MAP3K5: variants seen among roughly 807,000 people sequenced by gnomAD.
The protein encoded by MAP3K5 is mitogen-activated protein kinase kinase kinase 5.
Under a neutral mutation model 158.7 loss-of-function variants are expected in MAP3K5, and 56 were observed. That is an observed-to-expected ratio of 0.35 (90% CI 0.28 to 0.44). MAP3K5 has a LOEUF of 0.44. MAP3K5 is among the 20% of genes least tolerant of loss of function. The probability of loss-of-function intolerance (pLI) is 1.00; values close to 1 mark genes in which losing one functional copy is unlikely to be tolerated. For missense variants in MAP3K5, 1,294 were observed against 1,674.8 expected (o/e 0.77, Z 3.97); for synonymous variants, 579 against 601.7 (o/e 0.96, Z 0.55).
Position 136,592,680 on chromosome 6 carries a change from C to T in MAP3K5, c.2879-66G>A, listed in dbSNP as rs1400373797. ...AAAAAATGTACACATACTGAAACACCCATTGAAAGAGGCCATATTCTTTGT... is the reference window on the plus strand; with the variant it reads ...AAAAAATGTACACATACTGAAACACTCATTGAAAGAGGCCATATTCTTTGT... On this transcript the variant is annotated intron_variant, in intron 21 of 29. Transcript: ENST00000359015. The T allele has an allele frequency of 1.1e-5, 15 of 1,315,370 alleles. No homozygotes were observed. The South Asian group carries it at 1.4e-4, about 13-fold the overall frequency. 81.5% of individuals were successfully genotyped at this position (1,315,370 alleles called of 1,614,324 possible). A position where few individuals can be genotyped will look rare whatever the true frequency, so the allele number is the denominator to read the frequency against.
chr6:136,616,576 G>C (rs1338037624), intron 15 of MAP3K5, among the ~76,000 whole-genome samples: 2 of 150,902 alleles, frequency 1.3e-5, no homozygotes, highest in African/African-American at 4.9e-5. Context: ...CAAAGGGCTG[G>C]GATTACAGCT....
At chr6:136,575,276 C>T (rs1202472194) in intron 25 of MAP3K5, among the ~76,000 whole-genome samples, 2 of 151,714 alleles carry the variant, frequency 1.3e-5, no homozygotes, top group Non-Finnish European at 2.9e-5. Context: ...ATCCTCTCAC[C>T]TCAGCCTCCC....
At chr6:136,666,577 G>A (rs566632403) in intron 8 of MAP3K5, among the ~76,000 whole-genome samples, 1 of 152,126 alleles carries the variant, frequency 6.6e-6, no homozygotes, top group South Asian at 2.1e-4. Flanking sequence ...CAAGTATATT[G>A]TCTCATTTTT....
Position 136,607,913 on chromosome 6 carries a change from T to C in MAP3K5, c.2522-2547A>G, listed in dbSNP as rs115248576. ...ATACAGCATGTTAGAAAGTGACATG[T>C]TATGACCAAAAAAATATAGACCCGA... On this transcript the variant is annotated intron_variant, in intron 18 of 29. Coordinates refer to ENST00000359015, the MANE Select transcript of MAP3K5 (RefSeq NM_005923.4). 5.2e-4 allele frequency among the ~76,000 whole-genome samples: 79 copies of C among 152,278 alleles called. 1 individual carries two copies. Among genetic ancestry groups the C allele is most frequent in the African/African-American group, 1.8e-3 (74 of 41,550 alleles).
In MAP3K5 at chr6:136,605,067, G is replaced by C. The variant is rs1776045680; in HGVS notation, c.2679+142C>G. On this transcript the variant is annotated intron_variant, in intron 19 of 29. Transcript: ENST00000359015. Reference sequence around the variant, plus strand: ...GCACCAGCGCTGGTTCTAACCGAGAGAGAATCTTCTTGACCTTTAATGTGT... The same window carrying C: ...GCACCAGCGCTGGTTCTAACCGAGACAGAATCTTCTTGACCTTTAATGTGT... 5 of 764,516 alleles carry C rather than the reference G, an allele frequency of 6.5e-6. No homozygotes were observed. In the South Asian group the frequency reaches 8.0e-5, roughly 12 times the overall value. The allele number at this position is 764,516 out of a possible 1,614,324, so 47.4% of individuals were successfully genotyped here.
intron 28 of MAP3K5, 71 bp downstream of exon 28, chr6:136,561,462 G>T: frequency 8.7e-7 from 1 of 1,148,704 alleles, no homozygotes; most frequent in South Asian, 1.3e-5. Context: ...CCCTGTGCCT[G>T]TCACATAGCA....
At chr6:136,773,536 T>C (rs1784292624) in intron 1 of MAP3K5, among the ~76,000 whole-genome samples, 1 of 152,174 alleles carries the variant, frequency 6.6e-6, no homozygotes, top group Non-Finnish European at 1.5e-5. Flanking sequence ...TAATCCCTTC[T>C]CTCTCTCCCT....
At chr6:136,649,946 C>T (rs1445078383) in intron 11 of MAP3K5, among the ~76,000 whole-genome samples, 1 of 152,210 alleles carries the variant, frequency 6.6e-6, no homozygotes, top group African/African-American at 2.4e-5. Context: ...TGACTCAAGT[C>T]TACATGTAAA....
intron 8 of MAP3K5, among the ~76,000 whole-genome samples, chr6:136,662,201 G>A (rs73777954): frequency 0.024 from 3,682 of 152,228 alleles, 153 homozygotes; most frequent in African/African-American, 0.084. Context: ...ATTGCCCTTA[G>A]AAAATGCTGT....
Position 136,567,697 on chromosome 6 carries a change from T to C in MAP3K5, c.3695A>G (p.His1232Arg). Residue 1232 changes from histidine (H) to arginine (R), a missense_variant, in exon 26 of 30, where the codon CAT (histidine) becomes CGT (arginine). His to Arg is a conservative substitution (Grantham distance 29). Coordinates refer to ENST00000359015, the MANE Select transcript of MAP3K5 (RefSeq NM_005923.4). The part of the protein sequence containing the change: ...GVSTLSSTVS[H>R]DSQSAHRSLN... Reference sequence around the variant, plus strand: ...TGACCGGTGAGCACTCTGGGAATCATGAGACACAGTAGAACTGAGCGTGCT... The same window carrying C: ...TGACCGGTGAGCACTCTGGGAATCACGAGACACAGTAGAACTGAGCGTGCT... 5 of 1,613,742 alleles carry C rather than the reference T, an allele frequency of 3.1e-6. No individual in the cohort carries two copies. Among genetic ancestry groups the C allele is most frequent in the Non-Finnish European group, 4.2e-6 (5 of 1,179,646 alleles).
At chr6:136,642,015 T>TAAA (rs61244217) in intron 12 of MAP3K5, among the ~76,000 whole-genome samples, 1 of 110,574 alleles carries the variant, frequency 9.0e-6, no homozygotes, top group African/African-American at 3.8e-5. Context: ...TAAAATAAAA[T>TAAA]AAATAAAATA....
At chr6:136,776,604 G>A (rs1365635711) in intron 1 of MAP3K5, among the ~76,000 whole-genome samples, 1 of 152,190 alleles carries the variant, frequency 6.6e-6, no homozygotes, top group Non-Finnish European at 1.5e-5. Context: ...AGCCACAGGT[G>A]AGGATGTTAT....
intron 1 of MAP3K5, among the ~76,000 whole-genome samples, chr6:136,752,871 C>A (rs1275775052): frequency 6.7e-6 from 1 of 148,820 alleles, no homozygotes; most frequent in Non-Finnish European, 1.5e-5. Context: ...GCTGCAAGTG[C>A]AAAGGTCAGC....
intron 3 of MAP3K5, among the ~76,000 whole-genome samples, chr6:136,704,600 A>C (rs1451327948): frequency 1.3e-5 from 2 of 152,064 alleles, no homozygotes; most frequent in Non-Finnish European, 2.9e-5. Context: ...GGCTGGAATG[A>C]AGTGGTATGA....
chr6:136,753,824 G>A (rs1323188421), intron 1 of MAP3K5, among the ~76,000 whole-genome samples: 1 of 152,198 alleles, frequency 6.6e-6, no homozygotes, highest in Non-Finnish European at 1.5e-5. Context: ...GAGGGTAGAT[G>A]GTGCTTCAGC....
chr6:136,659,164 G>A (rs1161885121), intron 9 of MAP3K5, 55 bp downstream of exon 9: 1 of 1,379,874 alleles, frequency 7.2e-7, no homozygotes, highest in Non-Finnish European at 1.0e-6. Context: ...ATATAATATG[G>A]GAACAATATG....
At chr6:136,736,726 T>A (rs993774214) in intron 1 of MAP3K5, among the ~76,000 whole-genome samples, 1 of 152,114 alleles carries the variant, frequency 6.6e-6, no homozygotes, top group Non-Finnish European at 1.5e-5. Flanking sequence ...AGTCTCACTC[T>A]GTCACTCAGG....
intron 8 of MAP3K5, among the ~76,000 whole-genome samples, chr6:136,662,156 C>A (rs1779032538): frequency 6.6e-6 from 1 of 152,184 alleles, no homozygotes; most frequent in Non-Finnish European, 1.5e-5. Context: ...GGACAGAAGA[C>A]ATGCCCATTT....
rs926811290 is a variant in MAP3K5 at position 136,756,333 on chromosome 6, G to A, written c.448+35377C>T. Reference sequence around the variant, plus strand: ...ACCTGTCTCAAAAAAACAAAATGCAGGTCACTTTCATTGAGCTGGGCATGG... The same window carrying A: ...ACCTGTCTCAAAAAAACAAAATGCAAGTCACTTTCATTGAGCTGGGCATGG... On this transcript the variant is annotated intron_variant, in intron 1 of 29. Transcript: ENST00000359015. Among the ~76,000 whole-genome samples the A allele has an allele frequency of 2.0e-5, 3 of 152,110 alleles. No homozygotes were observed. The South Asian group carries it at 6.2e-4, about 32-fold the overall frequency.
Sources: gnomAD v4.1 joint callset for allele counts (sites outside exome capture counted in the v4.1 genomes callset) on GRCh38, gnomAD v4.1.1 for gene constraint, MANE v1.5 for transcripts, NCBI Gene and HGNC (gene_info 2026-07-23, HGNC 2026-07-21) for gene names.